The following HGFAC variants were observed in gnomAD, a reference collection of about 807,000 sequenced individuals.
HGFAC encodes HGF activator, also known as hepatocyte growth factor activator serine protease.
HGFAC carries 76 observed loss-of-function variants against 70.6 expected under a neutral mutation model. The ratio of observed to expected loss-of-function variants is 1.08; its 90% CI spans 0.89 to 1.30. The LOEUF (loss-of-function observed/expected upper bound fraction) is 1.30. Ranked by LOEUF, HGFAC falls within the 50% of genes most tolerant of loss-of-function variation. The pLI is 0.00. For synonymous variants in HGFAC, 464 were observed against 405.3 expected (o/e 1.14, Z -1.74); for missense variants, 1,044 against 933.7 (o/e 1.12, Z -1.54).
Position 3,444,459 on chromosome 4 carries a change from G to T in HGFAC, c.730+17G>T. On this transcript the variant is annotated intron_variant, in intron 6 of 13. Coordinates refer to ENST00000382774, the MANE Select transcript of HGFAC (RefSeq NM_001528.4). ...GACATACAGGTGCGCCACGGGGTGT[G>T]AGCCGTGCCACTGACCCCTGACGGG... 1 of 1,575,790 alleles carries T rather than the reference G, an allele frequency of 6.3e-7. No homozygotes were observed. Among genetic ancestry groups the T allele is most frequent in the Non-Finnish European group, 8.6e-7 (1 of 1,162,612 alleles).
intron 13 of HGFAC, 68 bp downstream of exon 13, chr4:3,448,344 G>T: frequency 6.5e-7 from 1 of 1,549,282 alleles, no homozygotes; most frequent in Non-Finnish European, 8.7e-7. Context: ...TCTCCGAGAT[G>T]CTTGCCCCTG....
chr4:3,446,473 G>T (rs1725519627), intron 10 of HGFAC, among the ~76,000 whole-genome samples, 179 bp downstream of exon 10: 1 of 152,124 alleles, frequency 6.6e-6, no homozygotes, highest in African/African-American at 2.4e-5. Flanking sequence ...CCTGAGCTGG[G>T]CATGCATGGA....
chr4:3,444,597 GC>G (rs753889323), intron 6 of HGFAC, 25 bp from the exon 7 acceptor site: 9 of 1,566,608 alleles, frequency 5.7e-6, no homozygotes, highest in Middle Eastern at 2.0e-4. Flanking sequence ...GCGGCCCCTG[GC>G]CCAGCTCCTC....
intron 8 of HGFAC, 133 bp from the exon 9 acceptor site, chr4:3,445,132 C>T: frequency 7.7e-7 from 1 of 1,304,680 alleles, no homozygotes; most frequent in Non-Finnish European, 1.1e-6. Flanking sequence ...GGGAGGCTGC[C>T]CGAGGGAGGG....
chr4:3,442,610 G>A, intron 1 of HGFAC, 122 bp from the exon 2 acceptor site: 1 of 627,604 alleles, frequency 1.6e-6, no homozygotes, highest in Non-Finnish European at 2.6e-6. Context: ...GTGTCCTCCT[G>A]GAACCTGCTC....
chr4:3,446,790 G>A (rs765288770), intron 10 of HGFAC, among the ~76,000 whole-genome samples: 3 of 152,168 alleles, frequency 2.0e-5, no homozygotes, highest in African/African-American at 4.8e-5. Context: ...ACCCTGAGAC[G>A]GAGCAGCCTG....
intron 10 of HGFAC, among the ~76,000 whole-genome samples, chr4:3,447,231 C>T (rs1466806681): frequency 6.6e-6 from 1 of 152,144 alleles, no homozygotes; most frequent in African/African-American, 2.4e-5. Flanking sequence ...CCCCCCAGGG[C>T]TTGTGACCAG....
intron 10 of HGFAC, among the ~76,000 whole-genome samples, chr4:3,446,547 C>T (rs542453314): frequency 1.2e-3 from 180 of 152,260 alleles, no homozygotes; most frequent in African/African-American, 4.1e-3. Flanking sequence ...ACAGAGGACC[C>T]AGCGCCTGCG....
upstream of HGFAC, among the ~76,000 whole-genome samples, chr4:3,441,057 G>A (rs1286636853): frequency 6.6e-6 from 1 of 152,126 alleles, no homozygotes; most frequent in East Asian, 1.9e-4. The surrounding 1 kb of genome is among the most constrained non-coding windows in gnomAD (Gnocchi z 6.0). Flanking sequence ...GGATGTCGCT[G>A]CTGACTCAGG....
chr4:3,442,177 T>C (rs993849266), intron 1 of HGFAC, 59 bp downstream of exon 1: 5 of 1,343,966 alleles, frequency 3.7e-6, no homozygotes, highest in Non-Finnish European at 5.1e-6. Context: ...TTGGGGTCCT[T>C]GGGAGGAGGC....
chr4:3,444,504 GT>G, intron 6 of HGFAC, 62 bp downstream of exon 6: 1 of 1,526,770 alleles, frequency 6.5e-7, no homozygotes, highest in South Asian at 1.3e-5. Flanking sequence ...CCACACCCGA[GT>G]GGGAGGAATG....
chr4:3,445,863 C>T, intron 9 of HGFAC, 179 bp from the exon 10 acceptor site: 1 of 1,541,550 alleles, frequency 6.5e-7, no homozygotes, highest in Non-Finnish European at 8.7e-7. Context: ...GGGCATCAAA[C>T]CCCATTCTAC....
Position 3,447,588 on chromosome 4 carries a change from G to A in HGFAC, c.1452G>A (p.Pro484=), listed in dbSNP as rs141802412. Residue 484 remains proline, a synonymous_variant, in exon 11 of 14, where the codon CCG becomes CCA. Transcript: ENST00000382774. The stretch of plus-strand genomic sequence containing the variant: ...CCTTCGGCATCGAGAAGTACATCCC[G>A]TACACCCTGTACTCGGTGTTCAACC... ...TQTFGIEKYI[P]YTLYSVFNPS... is the part of the protein sequence containing the mutation. The A allele has an allele frequency of 5.9e-4, 955 of 1,612,654 alleles. 4 individuals carry two copies. The highest frequency in any genetic ancestry group is 4.0e-3 in the East Asian group (180 of 44,872).
chr4:3,449,233 CCAGGGGGACT>C lies in HGFAC; in HGVS notation c.1790_1799del (p.Asp597GlyfsTer72). 1 of 1,611,214 alleles carries C rather than the reference CCAGGGGGACT, an allele frequency of 6.2e-7. No homozygotes were observed. The highest frequency in any genetic ancestry group is 1.1e-5 in the South Asian group (1 of 90,950). On this transcript the variant is annotated splice_acceptor_variant and splice_polypyrimidine_tract_variant and coding_sequence_variant and intron_variant, in exon 14 of 14. Transcript: ENST00000382774. LOFTEE classifies it high-confidence loss of function. ...GGGTGGCTCTGACCAACGTCTCTGC[CCAGGGGGACT>C]CAGGGGGGCCCCTGGCCTGCGAGAA...
At chr4:3,445,693 A>T in intron 9 of HGFAC, 1 of 628,518 alleles carries the variant, frequency 1.6e-6, no homozygotes, top group Non-Finnish European at 2.8e-6. Flanking sequence ...CCCTGGGGAG[A>T]GGCCCCCCGG....
chr4:3,447,981 A>G lies in HGFAC; in HGVS notation c.1582A>G (p.Thr528Ala). 1 of 1,583,944 alleles carries G rather than the reference A, an allele frequency of 6.3e-7. No homozygotes were observed. Among genetic ancestry groups the G allele is most frequent in the Middle Eastern group, 1.7e-4 (1 of 5,926 alleles). ...QPICLPEPGS[T>A]FPAGHKCQIA... ...CATCTGCCTGCCCGAGCCCGGCAGC[A>G]CCTTCCCCGCAGGACACAAGTGCCA... Residue 528 changes from threonine to alanine, a missense_variant, in exon 12 of 14, where the codon ACC becomes GCC. Transcript: ENST00000382774.
In HGFAC at chr4:3,448,173, T is replaced by C; in HGVS notation, c.1682T>C (p.Leu561Pro). 2 of 1,601,420 alleles carry C rather than the reference T, an allele frequency of 1.2e-6. No homozygotes were observed. Among genetic ancestry groups the C allele is most frequent in the Non-Finnish European group, 1.7e-6 (2 of 1,175,384 alleles). The change falls in exon 13 of 14, where the codon CTG becomes CCG. Residue 561 changes from leucine (L) to proline (P), a missense_variant. Leu to Pro is a moderately conservative substitution (Grantham distance 98). Coordinates refer to ENST00000382774, the MANE Select transcript of HGFAC (RefSeq NM_001528.4). ...TCCCTGCGGGAGGCCCTGGTCCCCC[T>C]GGTCGCCGACCACAAGTGCAGCAGC... ...SSSLREALVP[L>P]VADHKCSSPE...
Position 3,448,192 on chromosome 4 carries a change from C to A in HGFAC, c.1701C>A (p.Cys567Ter). 6.2e-7 allele frequency: 1 copy of A among 1,605,860 alleles called. No individual in the cohort carries two copies. Among genetic ancestry groups the A allele is most frequent in the East Asian group, 2.2e-5 (1 of 44,684 alleles). The change falls in exon 13 of 14, where the codon TGC (cysteine) becomes TGA (stop). Residue 567 changes from cysteine (C) to a stop codon, truncating the protein, a stop_gained. Coordinates refer to ENST00000382774, the MANE Select transcript of HGFAC (RefSeq NM_001528.4). LOFTEE classifies it high-confidence loss of function. ...TCCCCCTGGTCGCCGACCACAAGTG[C>A]AGCAGCCCTGAGGTCTACGGCGCCG... is the stretch of plus-strand genomic sequence containing the variant. ...ALVPLVADHK[C>*]SSPEVYGADI...
rs1218540778 is a variant in HGFAC at position 3,443,417 on chromosome 4, C to G, written c.472C>G (p.Pro158Ala). 3.4e-6 allele frequency: 5 copies of G among 1,471,268 alleles called. No homozygotes were observed. The highest frequency in any genetic ancestry group is 4.5e-6 in the Non-Finnish European group (5 of 1,108,436). 91.1% of individuals were successfully genotyped at this position (1,471,268 alleles called of 1,614,324 possible). ...CVEATPPPGG[P>A]AALDPCASGP... is the part of the protein sequence containing the mutation. Reference sequence around the variant, plus strand: ...GGAGGCCACCCCGCCTCCAGGGGGCCCAGGTGGGTGCTGGGTTGGGTAGCC... The same window carrying G: ...GGAGGCCACCCCGCCTCCAGGGGGCGCAGGTGGGTGCTGGGTTGGGTAGCC... The change falls in exon 4 of 14, where the codon CCA becomes GCA. Residue 158 changes from proline (P) to alanine (A), a missense_variant. Transcript: ENST00000382774.
Sources: allele counts gnomAD v4.1 joint callset (sites outside exome capture counted in the v4.1 genomes callset), GRCh38; gene constraint gnomAD v4.1.1; non-coding constraint Gnocchi (gnomAD v3.1); transcripts MANE v1.5; gene names NCBI Gene and HGNC (gene_info 2026-07-23, HGNC 2026-07-21).